TBC1D4: variants seen among roughly 807,000 people sequenced by gnomAD.
The protein encoded by TBC1D4 is TBC (Tre-2, BUB2, CDC16) domain-containing protein.
TBC1D4 carries 121 observed loss-of-function variants against 142.5 expected under a neutral mutation model. The ratio of observed to expected loss-of-function variants is 0.85; its 90% CI spans 0.73 to 0.99. The LOEUF is 0.99. TBC1D4 is among the 50% of genes least tolerant of loss of function. The probability of loss-of-function intolerance (pLI) is 0.00; values close to 1 mark genes in which losing one functional copy is unlikely to be tolerated. For synonymous variants in TBC1D4, 630 were observed against 628.2 expected (o/e 1.00, Z -0.04); for missense variants, 1,475 against 1,606.6 (o/e 0.92, Z 1.40).
At chr13:75,396,507 A>T (rs1190206286) in intron 1 of TBC1D4, among the ~76,000 whole-genome samples, 2 of 152,078 alleles carry the variant, frequency 1.3e-5, no homozygotes, top group Non-Finnish European at 2.9e-5. Context: ...AATTTTACAG[A>T]TTTTTCTAAA....
At chr13:75,291,326 C>T (rs1246004518) in intron 19 of TBC1D4, among the ~76,000 whole-genome samples, 1 of 152,168 alleles carries the variant, frequency 6.6e-6, no homozygotes, top group African/African-American at 2.4e-5. Context: ...CAACAACCAG[C>T]ACAGAACCCT....
chr13:75,409,978 T>G, intron 1 of TBC1D4, among the ~76,000 whole-genome samples: 1 of 152,338 alleles, frequency 6.6e-6, no homozygotes, highest in Middle Eastern at 3.4e-3. Flanking sequence ...TCCCCAGCTT[T>G]CAGATTTTTA....
chr13:75,377,240 G>A (rs921312843), intron 1 of TBC1D4: 1 of 152,176 alleles, frequency 6.6e-6, no homozygotes, highest in African/African-American at 2.4e-5. Context: ...GCCCCAGATT[G>A]TATCCGGGAA....
chr13:75,345,609 C>T (rs1282947796), intron 5 of TBC1D4, among the ~76,000 whole-genome samples: 1 of 152,020 alleles, frequency 6.6e-6, no homozygotes, highest in Non-Finnish European at 1.5e-5. Context: ...GTATCTAAAA[C>T]TGGCCGGGCA....
chr13:75,362,321 G>C lies in TBC1D4; in HGVS notation c.785C>G (p.Ser262Cys), dbSNP rs751499017. 4.3e-6 allele frequency: 7 copies of C among 1,613,886 alleles called. No individual in the cohort carries two copies. The highest frequency in any genetic ancestry group is 2.2e-5 in the East Asian group (1 of 44,900). Reference protein sequence around the residue: ...LADLEVVVPGSPGDCLPEEAD... With the variant: ...LADLEVVVPGCPGDCLPEEAD... Reference sequence around the variant, plus strand: ...CTCCTCCGGCAGGCAGTCTCCGGGGGACCCGGGCACCACCACCTCCAAGTC... The same window carrying C: ...CTCCTCCGGCAGGCAGTCTCCGGGGCACCCGGGCACCACCACCTCCAAGTC... The change falls in exon 2 of 21, where the codon TCC becomes TGC. Residue 262 changes from serine to cysteine, a missense_variant. By Grantham distance (112) the Ser-to-Cys change is moderately radical. Transcript: ENST00000377636. The surrounding 1 kb of genome is among the most constrained non-coding windows in gnomAD (Gnocchi z 4.2).
At chr13:75,399,517 A>C (rs1316026814) in intron 1 of TBC1D4, among the ~76,000 whole-genome samples, 2 of 121,686 alleles carry the variant, frequency 1.6e-5, no homozygotes. Context: ...GCAACTGAGA[A>C]ACCACACCCA....
At chr13:75,408,816 T>C (rs982372696) in intron 1 of TBC1D4, among the ~76,000 whole-genome samples, 1 of 152,234 alleles carries the variant, frequency 6.6e-6, no homozygotes, top group Non-Finnish European at 1.5e-5. Flanking sequence ...ACTTCTCTAA[T>C]GACGAATGAT....
chr13:75,443,441 T>C (rs1048687561), intron 1 of TBC1D4, among the ~76,000 whole-genome samples: 2 of 152,120 alleles, frequency 1.3e-5, no homozygotes, highest in African/African-American at 4.8e-5. Flanking sequence ...ATCAGGGAAA[T>C]TGTTGGACGA....
At chr13:75,332,884 G>A (rs370079010) in intron 8 of TBC1D4, among the ~76,000 whole-genome samples, 2 of 152,172 alleles carry the variant, frequency 1.3e-5, no homozygotes, top group South Asian at 2.1e-4. Context: ...CTAGGAACAC[G>A]GGATATCAGA....
rs528342796 is a variant in TBC1D4 at position 75,379,822 on chromosome 13, T to A, written c.499-17215A>T. On this transcript the variant is annotated intron_variant, in intron 1 of 20. Transcript: ENST00000377636. ...CAACTAAACAACACATTTACCATTA[T>A]TGATAAAATTAAGATAGCTAAAAGA... 7.9e-5 allele frequency among the ~76,000 whole-genome samples: 12 copies of A among 151,528 alleles called. 1 individual carries two copies. In the South Asian group the frequency reaches 2.5e-3, roughly 32 times the overall value.
At chr13:75,426,676 A>G (rs990693198) in intron 1 of TBC1D4, among the ~76,000 whole-genome samples, 2 of 152,168 alleles carry the variant, frequency 1.3e-5, no homozygotes, top group African/African-American at 4.8e-5. Context: ...TAACCACAAC[A>G]GACTATTCAT....
chr13:75,303,556 A>G (rs1170980384), intron 15 of TBC1D4, among the ~76,000 whole-genome samples: 1 of 152,242 alleles, frequency 6.6e-6, no homozygotes, highest in Non-Finnish European at 1.5e-5. Flanking sequence ...CAGTGCAGGC[A>G]ACTTTATTTC....
intron 1 of TBC1D4, among the ~76,000 whole-genome samples, chr13:75,398,549 C>T: frequency 6.6e-6 from 1 of 152,110 alleles, no homozygotes; most frequent in African/African-American, 2.4e-5. Context: ...AAGAGGATTT[C>T]CCAACAGAAA....
At chr13:75,301,829 T>C (rs1046795749) in intron 16 of TBC1D4, among the ~76,000 whole-genome samples, 2 of 152,186 alleles carry the variant, frequency 1.3e-5, no homozygotes, top group African/African-American at 4.8e-5. Context: ...AGGATTGTTT[T>C]CAGCAGTGTG....
chr13:75,443,642 T>C (rs1304192718), intron 1 of TBC1D4, among the ~76,000 whole-genome samples: 2 of 152,194 alleles, frequency 1.3e-5, no homozygotes, highest in Admixed American at 1.3e-4. Flanking sequence ...AAAGGAAGAA[T>C]GTCAATCCAA....
At chr13:75,302,779 A>G in intron 15 of TBC1D4, 1 of 270,830 alleles carries the variant, frequency 3.7e-6, no homozygotes, top group Non-Finnish European at 7.2e-6. Context: ...GCTGAGGCAG[A>G]AAGAGATGAA....
intron 12 of TBC1D4, among the ~76,000 whole-genome samples, chr13:75,318,687 T>C (rs1242806055): frequency 6.6e-6 from 1 of 152,212 alleles, no homozygotes; most frequent in Non-Finnish European, 1.5e-5. Flanking sequence ...ACTAATTAAG[T>C]AAAATTGAGA....
At chr13:75,393,400 A>T (rs897672791) in intron 1 of TBC1D4, among the ~76,000 whole-genome samples, 1 of 152,126 alleles carries the variant, frequency 6.6e-6, no homozygotes, top group African/African-American at 2.4e-5. Context: ...TATGGGACAT[A>T]TTGTCTGCCA....
intron 1 of TBC1D4, among the ~76,000 whole-genome samples, chr13:75,378,846 AG>A (rs1266086679): frequency 6.6e-6 from 1 of 152,170 alleles, no homozygotes; most frequent in African/African-American, 2.4e-5. Context: ...ATACATATCC[AG>A]CTGAAGAAAA....
Sources: allele counts gnomAD v4.1 joint callset (sites outside exome capture counted in the v4.1 genomes callset), GRCh38; gene constraint gnomAD v4.1.1; non-coding constraint Gnocchi (gnomAD v3.1); transcripts MANE v1.5; gene names NCBI Gene and HGNC (gene_info 2026-07-23, HGNC 2026-07-21).